The following ANO1 variants were observed in gnomAD, a reference collection of about 807,000 sequenced individuals.
The protein encoded by ANO1 is anoctamin 1, also known as anoctamin-1.
ANO1 carries 59 observed loss-of-function variants against 124.0 expected under a neutral mutation model. The observed-to-expected ratio is 0.48, with a 90% CI of 0.39 to 0.59. ANO1 has a LOEUF of 0.59. ANO1 is among the 20% of genes least tolerant of loss of function. The pLI is 0.00. For synonymous variants in ANO1, 529 were observed against 532.0 expected (o/e 0.99, Z 0.08); for missense variants, 1,059 against 1,328.0 (o/e 0.80, Z 3.15).
At chr11:70,010,179 G>GTGTATGTATATATATATATATATATATA in intron 1 of ANO1, among the ~76,000 whole-genome samples, 7 of 83,776 alleles carry the variant, frequency 8.4e-5, no homozygotes, top group Non-Finnish European at 1.4e-4. Context: ...GTGTGTGTGT[G>GTGTATGTATATATATATATATATATATA]TATATATATA....
chr11:70,033,359 C>T (rs964275386), intron 1 of ANO1, among the ~76,000 whole-genome samples: 2 of 152,212 alleles, frequency 1.3e-5, no homozygotes, highest in East Asian at 1.9e-4. Flanking sequence ...CAGCAAAACC[C>T]GCTTTCATTC....
rs1436175178 is a variant in ANO1 at position 69,987,011 on chromosome 11, T to G, written c.58+845T>G. 2.0e-5 allele frequency among the ~76,000 whole-genome samples: 3 copies of G among 152,158 alleles called. No homozygotes were observed. The South Asian group carries it at 6.2e-4, about 32-fold the overall frequency. ...AACTATAGCATGGGAAGCCCTCCTTTTATTCTTCCCCCCTCCCTCCCCCGA... is the reference window on the plus strand; with the variant it reads ...AACTATAGCATGGGAAGCCCTCCTTGTATTCTTCCCCCCTCCCTCCCCCGA... On this transcript the variant is annotated intron_variant, in intron 1 of 27. Transcript: ENST00000531349.
intron 2 of ANO1, among the ~76,000 whole-genome samples, chr11:70,089,145 C>T (rs2044519506): frequency 6.6e-6 from 1 of 152,166 alleles, no homozygotes; most frequent in African/African-American, 2.4e-5. Context: ...GGGTGAAGGG[C>T]CCCAGCCTAC....
At chr11:70,170,240 G>A (rs2048407387) in intron 21 of ANO1, 3 of 447,856 alleles carry the variant, frequency 6.7e-6, no homozygotes, top group Non-Finnish European at 1.3e-5. Flanking sequence ...TTCCCAGCAT[G>A]GGCAGGGGGA....
In ANO1 at chr11:70,161,244, C is replaced by A. The variant is rs1046108037; in HGVS notation, c.1662C>A (p.Pro554=). The part of the protein sequence containing the change: ...MAAALAMNSS[P]SVRSNIRVTV... Reference sequence around the variant, plus strand: ...CCGCCTTGGCCATGAACTCCTCCCCCTCCGTGCGGTCCAACATCCGGGTCA... The same window carrying A: ...CCGCCTTGGCCATGAACTCCTCCCCATCCGTGCGGTCCAACATCCGGGTCA... The change falls in exon 17 of 26, where the codon CCC becomes CCA. Residue 554 remains proline (P), a synonymous_variant. Transcript: ENST00000355303. 1.2e-6 allele frequency: 2 copies of A among 1,613,962 alleles called. No homozygotes were observed.
At chr11:70,062,188 T>C (rs1857601406) in intron 1 of ANO1, among the ~76,000 whole-genome samples, 1 of 147,990 alleles carries the variant, frequency 6.8e-6, no homozygotes, top group Non-Finnish European at 1.5e-5. Context: ...GCGATTCTCC[T>C]GCCTCAGCCT....
At chr11:70,040,512 C>T (rs1165361576) in intron 1 of ANO1, among the ~76,000 whole-genome samples, 10 of 152,126 alleles carry the variant, frequency 6.6e-5, no homozygotes, top group African/African-American at 2.4e-4. Flanking sequence ...CCCGTCACTA[C>T]TGAACACATA....
chr11:70,067,694 C>G (rs1555008803), intron 1 of ANO1, among the ~76,000 whole-genome samples: 2 of 152,158 alleles, frequency 1.3e-5, no homozygotes, highest in African/African-American at 4.8e-5. Context: ...TCACAGGCAC[C>G]CGGTGGATGC....
chr11:70,030,442 G>T (rs138639633), intron 1 of ANO1, among the ~76,000 whole-genome samples: 122 of 152,328 alleles, frequency 8.0e-4, no homozygotes, highest in African/African-American at 2.9e-3. Flanking sequence ...GAAAACAATA[G>T]AAATTCATTC....
At chr11:70,160,515 G>A (rs2135704577) in intron 16 of ANO1, among the ~76,000 whole-genome samples, 1 of 152,328 alleles carries the variant, frequency 6.6e-6, no homozygotes, top group East Asian at 1.9e-4. Flanking sequence ...GGCAAGAGGA[G>A]GGGCTCACTC....
At chr11:70,036,650 C>A (rs1555004457) in intron 1 of ANO1, among the ~76,000 whole-genome samples, 2 of 152,174 alleles carry the variant, frequency 1.3e-5, no homozygotes, top group South Asian at 4.1e-4. Flanking sequence ...CTTTGTCGCC[C>A]AGGCTGGAGT....
At chr11:69,966,011 T>C in the ANO1 span, among the ~76,000 whole-genome samples, 1 of 151,916 alleles carries the variant, frequency 6.6e-6, no homozygotes, top group Non-Finnish European at 1.5e-5. Flanking sequence ...CCTGCCACGC[T>C]GCTTCATGAG....
chr11:70,092,880 C>T (rs951728636), intron 2 of ANO1, among the ~76,000 whole-genome samples: 4 of 152,118 alleles, frequency 2.6e-5, no homozygotes, highest in African/African-American at 7.2e-5. Context: ...ATCCACAGGG[C>T]GGCCTTCAAA....
rs1491098279 is a variant in ANO1 at position 70,019,236 on chromosome 11, A to ACCCCCCCCCCCCCCCCCC, written c.58+33070_58+33071insCCCCCCCCCCCCCCCCCC. On this transcript the variant is annotated intron_variant, in intron 1 of 27. Coordinates refer to the ANO1 transcript ENST00000531349. The stretch of plus-strand genomic sequence containing the variant: ...TTGGGATGCAGGGGAGGGAAAGAAG[A>ACCCCCCCCCCCCCCCCCC]ACCCCCCCACACACACACACACACA... 8.3e-5 allele frequency among the ~76,000 whole-genome samples: 2 copies of ACCCCCCCCCCCCCCCCCC among 23,972 alleles called. 1 individual carries two copies. The highest frequency in any genetic ancestry group is 2.5e-4 in the African/African-American group (2 of 8,156). 15.7% of individuals were successfully genotyped at this position (23,972 alleles called of 152,430 possible).
chr11:70,040,754 T>C (rs560898241), intron 1 of ANO1, among the ~76,000 whole-genome samples: 1 of 152,274 alleles, frequency 6.6e-6, no homozygotes, highest in East Asian at 1.9e-4. Flanking sequence ...TGCAGCACGA[T>C]CTGTGAAGAC....
rs34598701 is a variant in ANO1 at position 70,010,134 on chromosome 11, G to GGTGTGT, written c.58+23994_58+23999dup. ...TTTTTATGGCGGAGTAGTATTCCAT[G>GGTGTGT]GTGTGTGTGTGTGTGTGTGTGTGTG... On this transcript the variant is annotated intron_variant, in intron 1 of 27. Coordinates refer to the ANO1 transcript ENST00000531349. Among the ~76,000 whole-genome samples the GGTGTGT allele has an allele frequency of 7.0e-3, 573 of 81,816 alleles. 12 individuals carry two copies. Among genetic ancestry groups the GGTGTGT allele is most frequent in the Admixed American group, 0.014 (105 of 7,502 alleles). 53.7% of individuals were successfully genotyped at this position (81,816 alleles called of 152,430 possible). A position where few individuals can be genotyped will look rare whatever the true frequency, so the allele number is the denominator to read the frequency against.
chr11:70,187,194 C>A (rs752215237), intron 25 of ANO1, among the ~76,000 whole-genome samples: 3 of 152,234 alleles, frequency 2.0e-5, no homozygotes, highest in Non-Finnish European at 4.4e-5. Flanking sequence ...CCGCCCGTGG[C>A]GGGAACCTGC....
chr11:70,075,743 C>G (rs1190487819), upstream of ANO1, among the ~76,000 whole-genome samples: 1 of 152,090 alleles, frequency 6.6e-6, no homozygotes, highest in Non-Finnish European at 1.5e-5. Context: ...TGGAGAGCCC[C>G]CACGTATAAG....
upstream of ANO1, among the ~76,000 whole-genome samples, chr11:70,075,900 G>A (rs1338815435): frequency 4.6e-5 from 7 of 152,178 alleles, no homozygotes; most frequent in African/African-American, 1.4e-4. Flanking sequence ...CCAGCTACAG[G>A]AATTCTTTTC....
Sources: allele counts gnomAD v4.1 joint callset (sites outside exome capture counted in the v4.1 genomes callset), GRCh38; gene constraint gnomAD v4.1.1; transcripts MANE v1.5; gene names NCBI Gene and HGNC (gene_info 2026-07-23, HGNC 2026-07-21).